INPP4B: variants seen among roughly 807,000 people sequenced by gnomAD.
The protein encoded by INPP4B is inositol polyphosphate-4-phosphatase type II B, also known as inositol polyphosphate 4-phosphatase type II.
Under a neutral mutation model 122.5 loss-of-function variants are expected in INPP4B, and 55 were observed. The ratio of observed to expected loss-of-function variants is 0.45; its 90% confidence interval spans 0.36 to 0.56. The LOEUF is 0.56. Ranked by LOEUF, INPP4B falls within the 20% of genes least tolerant of loss-of-function variation. The probability of loss-of-function intolerance (pLI) is 0.00; values close to 1 mark genes in which losing one functional copy is unlikely to be tolerated. For missense variants in INPP4B, 1,000 were observed against 1,097.7 expected (o/e 0.91, Z 1.26); for synonymous variants, 403 against 388.7 (o/e 1.04, Z -0.43).
At chr4:142,641,121 C>T (rs938415107) in intron 2 of INPP4B, among the ~76,000 whole-genome samples, 1 of 152,012 alleles carries the variant, frequency 6.6e-6, no homozygotes, top group Non-Finnish European at 1.5e-5. Context: ...GAGACATGCA[C>T]AAGAATGTTA....
At chr4:142,322,621 T>C (rs550354279) in intron 7 of INPP4B, among the ~76,000 whole-genome samples, 1 of 152,170 alleles carries the variant, frequency 6.6e-6, no homozygotes, top group Non-Finnish European at 1.5e-5. Context: ...TATTAATTCT[T>C]TTGAAAGTGG....
intron 2 of INPP4B, among the ~76,000 whole-genome samples, chr4:142,656,264 T>C (rs1411158715): frequency 6.6e-6 from 1 of 152,184 alleles, no homozygotes; most frequent in Non-Finnish European, 1.5e-5. Flanking sequence ...CTTTAAACTG[T>C]CTGTGAGCCT....
intron 5 of INPP4B, among the ~76,000 whole-genome samples, chr4:142,415,629 T>A (rs992500540): frequency 4.6e-5 from 7 of 151,990 alleles, no homozygotes; most frequent in Non-Finnish European, 1.0e-4. Context: ...GAAATACCAT[T>A]TGACCCAGCA....
rs553337662 is a variant in INPP4B at position 142,412,452 on chromosome 4, T to C, written c.137-7128A>G. 3.9e-5 allele frequency among the ~76,000 whole-genome samples: 6 copies of C among 152,268 alleles called. No individual in the cohort carries two copies. In the South Asian group the frequency reaches 1.0e-3, roughly 26 times the overall value. On this transcript the variant is annotated intron_variant, in intron 5 of 25. Transcript: ENST00000262992. Reference sequence around the variant, plus strand: ...CCTGAGTACATTCAGAAGAGGATGCTTCCTAGGCTCAGTGCACTACAATCC... The same window carrying C: ...CCTGAGTACATTCAGAAGAGGATGCCTCCTAGGCTCAGTGCACTACAATCC...
chr4:142,382,089 T>C (rs145023265), intron 7 of INPP4B, among the ~76,000 whole-genome samples: 2 of 152,310 alleles, frequency 1.3e-5, no homozygotes, highest in East Asian at 3.9e-4. Context: ...AAAATACTTT[T>C]GAGATTTTAT....
chr4:142,238,190 T>C (rs1271100118), intron 11 of INPP4B, among the ~76,000 whole-genome samples, 179 bp from the exon 12 acceptor site: 1 of 152,020 alleles, frequency 6.6e-6, no homozygotes, highest in Non-Finnish European at 1.5e-5. Context: ...TTTTGATTAG[T>C]GTATCTGAAT....
intron 25 of INPP4B, among the ~76,000 whole-genome samples, chr4:142,046,063 T>C (rs1269241435): frequency 1.4e-5 from 1 of 69,328 alleles, no homozygotes; most frequent in Non-Finnish European, 5.3e-5. Context: ...ACTTTTTTTA[T>C]TGGTAATAAA....
At chr4:142,544,125 TGTGTG>T (rs887218051) in intron 2 of INPP4B, among the ~76,000 whole-genome samples, 204 of 5,376 alleles carry the variant, frequency 0.038, 4 homozygotes, top group South Asian at 0.34. Flanking sequence ...GCATGGTGTG[TGTGTG>T]GTGTGTGTGT....
chr4:142,429,292 C>A (rs1368872596), intron 4 of INPP4B, 75 bp from the exon 5 acceptor site: 2 of 754,818 alleles, frequency 2.6e-6, no homozygotes, highest in Non-Finnish European at 4.4e-6. Flanking sequence ...TATTACTATG[C>A]TTCATTGTGA....
intron 25 of INPP4B, among the ~76,000 whole-genome samples, chr4:142,066,030 T>TAG (rs1763352645): frequency 6.6e-6 from 1 of 152,042 alleles, no homozygotes; most frequent in South Asian, 2.1e-4. Flanking sequence ...CCCAAGAGTG[T>TAG]AGAGCACCAC....
intron 17 of INPP4B, among the ~76,000 whole-genome samples, chr4:142,155,418 G>C (rs944673825): frequency 3.3e-5 from 5 of 152,102 alleles, no homozygotes; most frequent in African/African-American, 4.8e-5. Context: ...GATCACTATA[G>C]ATTTCCTATG....
At chr4:142,067,743 T>C (rs150224771) in intron 25 of INPP4B, among the ~76,000 whole-genome samples, 3,888 of 151,940 alleles carry the variant, frequency 0.026, 185 homozygotes, top group African/African-American at 0.089. Flanking sequence ...GATTGAAGAT[T>C]AAATAAATAA....
intron 2 of INPP4B, among the ~76,000 whole-genome samples, chr4:142,651,880 G>C (rs1312720503): frequency 6.6e-6 from 1 of 152,162 alleles, no homozygotes; most frequent in Non-Finnish European, 1.5e-5. Flanking sequence ...TATGCAGCCA[G>C]CATCATCCTG....
intron 25 of INPP4B, among the ~76,000 whole-genome samples, chr4:142,038,039 A>G (rs544352176): frequency 1.3e-5 from 2 of 152,294 alleles, no homozygotes; most frequent in African/African-American, 4.8e-5. Context: ...TCTGATAGGA[A>G]ATGGAGAAGG....
At chr4:142,835,346 C>T (rs1257209561) in intron 1 of INPP4B, among the ~76,000 whole-genome samples, 1 of 152,136 alleles carries the variant, frequency 6.6e-6, no homozygotes, top group Non-Finnish European at 1.5e-5. Flanking sequence ...CTCTTGTTAA[C>T]AAAAGGAAGG....
chr4:142,555,870 CAAAAAAA>C (rs554216004), intron 2 of INPP4B, among the ~76,000 whole-genome samples: 4 of 125,618 alleles, frequency 3.2e-5, no homozygotes, highest in African/African-American at 1.2e-4. Flanking sequence ...GACTCTGTCT[CAAAAAAA>C]AAAAAAAAAA....
intron 2 of INPP4B, among the ~76,000 whole-genome samples, chr4:142,640,890 C>A (rs1046200098): frequency 9.9e-5 from 15 of 152,062 alleles, no homozygotes; most frequent in African/African-American, 3.6e-4. Context: ...AGACACTCAG[C>A]AGATTGGCTA....
Position 142,369,438 on chromosome 4 carries a change from C to T in INPP4B, c.372+33500G>A, listed in dbSNP as rs116395508. 8.2e-3 allele frequency among the ~76,000 whole-genome samples: 1,247 copies of T among 151,528 alleles called. 19 individuals are homozygous for T. The highest frequency in any genetic ancestry group is 0.029 in the African/African-American group (1,192 of 41,318). The stretch of plus-strand genomic sequence containing the variant: ...CTCATCTCCACAAAAATTAGCCAGG[C>T]GTGGTGGCATGCCTGTAGTCCCCCG... On this transcript the variant is annotated intron_variant, in intron 7 of 25. Coordinates refer to ENST00000262992, the MANE Select transcript of INPP4B (RefSeq NM_001101669.3).
intron 2 of INPP4B, among the ~76,000 whole-genome samples, chr4:142,535,399 C>T (rs111257312): frequency 2.3e-3 from 351 of 152,320 alleles, no homozygotes; most frequent in African/African-American, 8.2e-3. Context: ...CAATTCACTA[C>T]CTATTTCTGT....
Sources: gnomAD v4.1 joint callset for allele counts (sites outside exome capture counted in the v4.1 genomes callset) on GRCh38, gnomAD v4.1.1 for gene constraint, MANE v1.5 for transcripts, NCBI Gene and HGNC (gene_info 2026-07-23, HGNC 2026-07-21) for gene names.